Variants in OSBPL9 observed in about 807,000 individuals in gnomAD.
OSBPL9 encodes the protein oxysterol-binding protein-related protein 9.
Under a neutral mutation model 106.6 loss-of-function variants are expected in OSBPL9, and 40 were observed. The ratio of observed to expected loss-of-function variants is 0.38; its 90% CI spans 0.29 to 0.49. The LOEUF is 0.49. OSBPL9 is among the 20% of genes least tolerant of loss of function. The pLI is 0.97. For synonymous variants in OSBPL9, 269 were observed against 295.4 expected, an observed-to-expected ratio of 0.91 and a Z score of 0.92; for missense variants, 609 against 887.2, an observed-to-expected ratio of 0.69 and a Z score of 3.98.
At chr1:51,603,959 G>A (rs1643913287) in intron 2 of OSBPL9, among the ~76,000 whole-genome samples, 1 of 152,132 alleles carries the variant, frequency 6.6e-6, no homozygotes, top group African/African-American at 2.4e-5. Flanking sequence ...GCACATTCAA[G>A]GTATCCCAAT....
rs932350985 is a variant in OSBPL9 at position 51,746,725 on chromosome 1, C to T, written c.430C>T (p.Leu144Phe). ...IEQLKLFDDK[L>F]QNCKEDEQRK... is the part of the protein sequence containing the mutation. ...AATCTTGTAGCTTTTTGATGACAAG[C>T]TTCAAAACTGCAAAGAAGATGAACA... Residue 144 changes from leucine to phenylalanine, a missense_variant, in exon 6 of 24, where the codon CTT (leucine) becomes TTT (phenylalanine). Physicochemically the swap from Leu to Phe is conservative, Grantham distance 22 (BLOSUM62 0). Around this residue, in one of 5 missense-constraint regions of OSBPL9, gnomAD observed 356 missense variants for 505.8 expected, o/e 0.70. Coordinates refer to ENST00000428468, the MANE Select transcript of OSBPL9 (RefSeq NM_024586.6). 9.3e-6 allele frequency: 15 copies of T among 1,609,392 alleles called. No individual in the cohort carries two copies. Among genetic ancestry groups the T allele is most frequent in the Non-Finnish European group, 1.1e-5 (13 of 1,178,054 alleles).
At chr1:51,566,744 C>T in the OSBPL9 span, among the ~76,000 whole-genome samples, 2 of 152,144 alleles carry the variant, frequency 1.3e-5, no homozygotes, top group Admixed American at 6.5e-5. Context: ...CTCTGGTCTC[C>T]CTAGCCTTCA....
chr1:51,561,482 C>T, the OSBPL9 span: 1 of 151,972 alleles, frequency 6.6e-6, no homozygotes, highest in East Asian at 1.9e-4. Flanking sequence ...TTCACTGATT[C>T]TAGGTAAATC....
chr1:51,590,755 A>AT (rs537388989), intron 1 of OSBPL9, among the ~76,000 whole-genome samples: 3,049 of 150,554 alleles, frequency 0.02, 55 homozygotes, highest in South Asian at 0.036. Context: ...ATGATTCTTA[A>AT]TTTTTTTTTT....
At chr1:51,597,457 G>A (rs1199138863) in intron 1 of OSBPL9, among the ~76,000 whole-genome samples, 9 of 141,262 alleles carry the variant, frequency 6.4e-5, no homozygotes, top group African/African-American at 1.8e-4. Context: ...GTGTGTGTGT[G>A]TGTATATACA....
At chr1:51,606,104 T>C (rs148223609) in intron 2 of OSBPL9, among the ~76,000 whole-genome samples, 1 of 152,212 alleles carries the variant, frequency 6.6e-6, no homozygotes, top group East Asian at 1.9e-4. Context: ...GTAGCAATAG[T>C]GGAGTGGATA....
chr1:51,680,216 C>A (rs893349264), intron 3 of OSBPL9, among the ~76,000 whole-genome samples: 2 of 151,876 alleles, frequency 1.3e-5, no homozygotes, highest in African/African-American at 4.8e-5. Context: ...GATCTTGTCA[C>A]TGCACTCCAG....
In OSBPL9 at chr1:51,748,407, T is replaced by C. The variant is rs985981753; in HGVS notation, c.492+9T>C. 3.3e-6 allele frequency: 5 copies of C among 1,502,716 alleles called. No homozygotes were observed. The allele number at this position is 1,502,716 out of a possible 1,614,324, so 93.1% of individuals were successfully genotyped here. Reference sequence around the variant, plus strand: ...TCAAAGAGACAACAAATGTAAGTTATATGTTTGATACATTCTGACTTTGCA... The same window carrying C: ...TCAAAGAGACAACAAATGTAAGTTACATGTTTGATACATTCTGACTTTGCA... On this transcript the variant is annotated intron_variant, in intron 7 of 23. Transcript: ENST00000428468.
intron 7 of OSBPL9, among the ~76,000 whole-genome samples, chr1:51,749,943 G>A (rs575521506): frequency 1.3e-5 from 2 of 149,800 alleles, no homozygotes; most frequent in South Asian, 2.1e-4. Flanking sequence ...TGTGGCATTC[G>A]TTAAAATTCA....
At chr1:51,724,011 A>G (rs1324731393) in intron 4 of OSBPL9, among the ~76,000 whole-genome samples, 2 of 152,140 alleles carry the variant, frequency 1.3e-5, no homozygotes, top group East Asian at 3.9e-4. Context: ...CAGTGGTGCC[A>G]TCTGGGCTCA....
chr1:51,610,469 A>G (rs1643980144), intron 2 of OSBPL9, among the ~76,000 whole-genome samples: 1 of 152,226 alleles, frequency 6.6e-6, no homozygotes, highest in African/African-American at 2.4e-5. Context: ...CTTGTTGGCC[A>G]GGCTGGTTTT....
intron 3 of OSBPL9, among the ~76,000 whole-genome samples, chr1:51,703,891 A>G (rs1657853333): frequency 6.6e-6 from 1 of 152,236 alleles, no homozygotes; most frequent in Admixed American, 6.5e-5. Flanking sequence ...CTATTGAGAT[A>G]ATCATGTGGT....
chr1:51,531,558 G>A, the OSBPL9 span, among the ~76,000 whole-genome samples: 1 of 152,180 alleles, frequency 6.6e-6, no homozygotes, highest in Admixed American at 6.6e-5. Context: ...TGAGCAACTG[G>A]ATTGATGAAA....
Position 51,729,944 on chromosome 1 carries a change from C to G in OSBPL9, c.319-15592C>G. ...CGGGAGCAGCCCCCGGCTACCTCCC[C>G]TGGAGGCACAGAGGGCGGGGGCCTT... On this transcript the variant is annotated intron_variant, in intron 4 of 23. Coordinates refer to ENST00000428468, the MANE Select transcript of OSBPL9 (RefSeq NM_024586.6). The surrounding 1 kb of genome is among the most constrained non-coding windows in gnomAD (Gnocchi z 5.1). 7.6e-7 allele frequency: 1 copy of G among 1,313,732 alleles called. No homozygotes were observed. Among genetic ancestry groups the G allele is most frequent in the Non-Finnish European group, 9.8e-7 (1 of 1,023,538 alleles). 81.4% of individuals were successfully genotyped at this position (1,313,732 alleles called of 1,614,324 possible). A position where few individuals can be genotyped will look rare whatever the true frequency, so the allele number is the denominator to read the frequency against.
intron 10 of OSBPL9, among the ~76,000 whole-genome samples, chr1:51,761,637 TG>T (rs1328823162): frequency 6.6e-6 from 1 of 152,212 alleles, no homozygotes; most frequent in East Asian, 1.9e-4. Flanking sequence ...ATTGGCCTAC[TG>T]TGGCTGGTTT....
the OSBPL9 span, among the ~76,000 whole-genome samples, chr1:51,566,730 A>G: frequency 1.5e-4 from 23 of 151,360 alleles, no homozygotes; most frequent in Admixed American, 3.9e-4. Flanking sequence ...CATAGTACAC[A>G]CTCCTCTGGT....
intron 2 of OSBPL9, among the ~76,000 whole-genome samples, chr1:51,604,706 T>C (rs1444822228): frequency 6.6e-6 from 1 of 151,816 alleles, no homozygotes; most frequent in East Asian, 1.9e-4. Context: ...CAGGCAGGAG[T>C]ACAATGGTGC....
Position 51,651,985 on chromosome 1 carries a change from T to A in OSBPL9, c.112-6T>A. ...TTATTCATTGAATGCTTTGTTTTTC[T>A]TTTAGTCCAAGGACAAAATGATGAG... On this transcript the variant is annotated splice_region_variant and splice_polypyrimidine_tract_variant and intron_variant, in intron 1 of 23. Transcript: ENST00000428468. 1 of 1,604,394 alleles carries A rather than the reference T, an allele frequency of 6.2e-7. No homozygotes were observed.
the OSBPL9 span, among the ~76,000 whole-genome samples, chr1:51,541,363 G>T: frequency 6.6e-6 from 1 of 151,918 alleles, no homozygotes; most frequent in African/African-American, 2.4e-5. Flanking sequence ...TTATCACTTT[G>T]GTTTGTCATC....
Sources: allele counts gnomAD v4.1 joint callset (sites outside exome capture counted in the v4.1 genomes callset), GRCh38; gene constraint gnomAD v4.1.1; regional missense constraint gnomAD v4.1.1; non-coding constraint Gnocchi (gnomAD v3.1); transcripts MANE v1.5; gene names NCBI Gene and HGNC (gene_info 2026-07-23, HGNC 2026-07-21).